ZNF391: variants seen among roughly 807,000 people sequenced by gnomAD.
The protein encoded by ZNF391 is zinc finger protein 391.
For synonymous variants in ZNF391, 126 were observed against 142.1 expected (o/e 0.89, Z 0.80); for missense variants, 375 against 425.5 (o/e 0.88, Z 1.04).
intron 1 of ZNF391, among the ~76,000 whole-genome samples, chr6:27,380,477 C>T (rs1173862066): frequency 2.0e-5 from 3 of 150,804 alleles, no homozygotes; most frequent in African/African-American, 7.3e-5. Context: ...AGTTTTGTAG[C>T]TCACAAAGAC....
In ZNF391 at chr6:27,388,935, G is replaced by T; in HGVS notation, c.-328G>T. The T allele has an allele frequency of 2.2e-6, 1 of 456,340 alleles. No individual in the cohort carries two copies. Among genetic ancestry groups the T allele is most frequent in the Non-Finnish European group, 4.4e-6 (1 of 226,866 alleles). 28.3% of individuals were successfully genotyped at this position (456,340 alleles called of 1,614,324 possible). On this transcript the variant is annotated 5_prime_UTR_variant, in exon 1 of 3. The change abolishes an upstream ATG in the 5' untranslated region. Transcript: ENST00000244576. ...GCGTTGGAGCAGCGGTTCGACGCAT[G>T]GGTTTCTCTTTAATCCTTCCGACTT...
intron 1 of ZNF391, among the ~76,000 whole-genome samples, chr6:27,390,151 T>C (rs1761672100): frequency 6.6e-6 from 1 of 152,236 alleles, no homozygotes; most frequent in Admixed American, 6.5e-5. Context: ...AGAAGCCCTA[T>C]TCCTGACCCT....
chr6:27,386,873 T>C (rs1761591217), upstream of ZNF391, among the ~76,000 whole-genome samples: 1 of 152,082 alleles, frequency 6.6e-6, no homozygotes, highest in African/African-American at 2.4e-5. Flanking sequence ...AATAAATAAA[T>C]GGAGCTTCAT....
In ZNF391 at chr6:27,401,531, A is replaced by G. The variant is rs1044503506; in HGVS notation, c.*84A>G. 2.2e-5 allele frequency: 23 copies of G among 1,043,250 alleles called. No individual in the cohort carries two copies. The Admixed American group carries it at 5.1e-4, about 23-fold the overall frequency. The allele number at this position is 1,043,250 out of a possible 1,614,324, so 64.6% of individuals were successfully genotyped here. ...AAATATATATATTTCAAGTATATAT[A>G]TACTTGTTCTAATTTTCTTTTATTA... On this transcript the variant is annotated 3_prime_UTR_variant, in exon 3 of 3. Coordinates refer to ENST00000244576, the MANE Select transcript of ZNF391 (RefSeq NM_001076781.3).
chr6:27,387,036 G>A (rs936280860), upstream of ZNF391, among the ~76,000 whole-genome samples: 2 of 152,206 alleles, frequency 1.3e-5, no homozygotes, highest in South Asian at 2.1e-4. Context: ...TCAAAAATAG[G>A]CAAAGGATTT....
upstream of ZNF391, among the ~76,000 whole-genome samples, chr6:27,384,783 C>T (rs1329377770): frequency 6.6e-6 from 1 of 151,792 alleles, no homozygotes; most frequent in Non-Finnish European, 1.5e-5. Flanking sequence ...TTTGGGAGGC[C>T]GAGGCAGGCA....
In ZNF391 at chr6:27,400,520, CAA is replaced by C. The variant is rs778154533; in HGVS notation, c.152_153del (p.Lys51ArgfsTer10). The C allele has an allele frequency of 1.9e-6, 3 of 1,614,154 alleles. No homozygotes were observed. Among genetic ancestry groups the C allele is most frequent in the Non-Finnish European group, 8.5e-7 (1 of 1,180,008 alleles). On this transcript the variant is annotated frameshift_variant, in exon 3 of 3. Transcript: ENST00000244576. LOFTEE classifies it low-confidence loss of function (END_TRUNC). ...TGGTCAGAAAAGTGTCAGTGACACT[CAA>C]AGAAATTTTCACAGGGGAGGAAGGC... ...TVVRKVSVTL[K>X]EIFTGEEGPE...
intron 1 of ZNF391, among the ~76,000 whole-genome samples, chr6:27,390,758 G>A (rs1296770977): frequency 6.6e-6 from 1 of 152,130 alleles, no homozygotes; most frequent in Admixed American, 6.5e-5. Flanking sequence ...TGTGAGATGA[G>A]CACAGCAATA....
intron 1 of ZNF391, among the ~76,000 whole-genome samples, chr6:27,396,196 A>G (rs1467383444): frequency 6.6e-6 from 1 of 152,188 alleles, no homozygotes; most frequent in East Asian, 1.9e-4. Context: ...AAAAGTATCA[A>G]TATGTTACCT....
intron 1 of ZNF391, among the ~76,000 whole-genome samples, chr6:27,377,559 G>A (rs950428616): frequency 6.6e-6 from 1 of 152,164 alleles, no homozygotes; most frequent in African/African-American, 2.4e-5. Context: ...CTGTAACCTG[G>A]AAGCTCCCTC....
intron 1 of ZNF391, among the ~76,000 whole-genome samples, chr6:27,377,409 G>A (rs1203340939): frequency 3.9e-5 from 6 of 152,160 alleles, no homozygotes; most frequent in African/African-American, 1.4e-4. Flanking sequence ...ACTCAAGCTG[G>A]AAACTGCTTA....
chr6:27,388,641 C>A (rs545354526), upstream of ZNF391: 2 of 313,790 alleles, frequency 6.4e-6, no homozygotes, highest in Non-Finnish European at 1.2e-5. Context: ...CTCTCGCATA[C>A]CAGGGGAGGG....
chr6:27,389,856 T>C (rs1761665827), intron 1 of ZNF391, among the ~76,000 whole-genome samples: 1 of 152,204 alleles, frequency 6.6e-6, no homozygotes, highest in South Asian at 2.1e-4. Flanking sequence ...CCTTAGTTTA[T>C]GTTTCTGATG....
chr6:27,390,146 C>A (rs1761671929), intron 1 of ZNF391, among the ~76,000 whole-genome samples: 1 of 152,320 alleles, frequency 6.6e-6, no homozygotes, highest in Middle Eastern at 3.4e-3. Flanking sequence ...CCCAGAGAAG[C>A]CCTATTCCTG....
Position 27,388,804 on chromosome 6 carries a change from A to G in ZNF391, c.-459A>G. On this transcript the variant is annotated 5_prime_UTR_variant, in exon 1 of 3. Coordinates refer to ENST00000244576, the MANE Select transcript of ZNF391 (RefSeq NM_001076781.3). ...ACTGGTCGTCCGCGTCAGGAGACTTAGGTCCAGGCGACTGCCCAGACAATG... is the reference window on the plus strand; with the variant it reads ...ACTGGTCGTCCGCGTCAGGAGACTTGGGTCCAGGCGACTGCCCAGACAATG... 1 of 422,888 alleles carries G rather than the reference A, an allele frequency of 2.4e-6. No individual in the cohort carries two copies. Among genetic ancestry groups the G allele is most frequent in the Non-Finnish European group, 4.6e-6 (1 of 217,140 alleles). The allele number at this position is 422,888 out of a possible 1,614,324, so 26.2% of individuals were successfully genotyped here.
intron 1 of ZNF391, among the ~76,000 whole-genome samples, chr6:27,377,183 A>T (rs946629449): frequency 3.0e-4 from 45 of 152,246 alleles, no homozygotes; most frequent in African/African-American, 1.1e-3. Flanking sequence ...AAAATTAAAA[A>T]TTAGAAAATC....
intron 1 of ZNF391, among the ~76,000 whole-genome samples, chr6:27,382,196 A>G (rs1471088912): frequency 1.3e-5 from 2 of 151,990 alleles, no homozygotes; most frequent in East Asian, 1.9e-4. Context: ...AGCCGGGTGT[A>G]GTGATGGGCG....
intron 1 of ZNF391, among the ~76,000 whole-genome samples, chr6:27,381,665 G>A (rs1272200159): frequency 6.6e-6 from 1 of 152,232 alleles, no homozygotes; most frequent in Non-Finnish European, 1.5e-5. Flanking sequence ...CTTGACCCAG[G>A]AGGAGGAGGC....
rs1224535786 is a variant in ZNF391, at chr6:27,389,026, C to T, written c.-237C>T. The T allele has an allele frequency of 2.2e-6, 1 of 456,212 alleles. No homozygotes were observed. Among genetic ancestry groups the T allele is most frequent in the Non-Finnish European group, 4.4e-6 (1 of 226,790 alleles). The allele number at this position is 456,212 out of a possible 1,614,324, so 28.3% of individuals were successfully genotyped here. A position where few individuals can be genotyped will look rare whatever the true frequency, so the allele number is the denominator to read the frequency against. On this transcript the variant is annotated 5_prime_UTR_variant, in exon 1 of 3. Coordinates refer to ENST00000244576, the MANE Select transcript of ZNF391 (RefSeq NM_001076781.3). ...ACCCGCCCGGGGTGTGTCGGGGGTA[C>T]TCGGCCGGAGGCGGCCGGTGAGTGA...
Sources: gnomAD v4.1 joint callset for allele counts (sites outside exome capture counted in the v4.1 genomes callset) on GRCh38, gnomAD v4.1.1 for gene constraint, MANE v1.5 for transcripts, NCBI Gene and HGNC (gene_info 2026-07-23, HGNC 2026-07-21) for gene names.